TP63: variants seen among roughly 807,000 people sequenced by gnomAD.
TP63 encodes tumor protein p63.
In TP63, 17 loss-of-function variants were observed where a neutral mutation model predicts 82.8. The ratio of observed to expected loss-of-function variants is 0.21; its 90% CI spans 0.14 to 0.31. The LOEUF (loss-of-function observed/expected upper bound fraction) is 0.31. Among genes scored for constraint, TP63 ranks in the 10% least tolerant of loss-of-function variants. The pLI, the probability that TP63 is intolerant of heterozygous loss-of-function variation, is 1.00. For missense variants in TP63, 648 were observed against 895.3 expected, an observed-to-expected ratio of 0.72 and a Z score of 3.52; for synonymous variants, 330 against 321.7, an observed-to-expected ratio of 1.03 and a Z score of -0.28.
chr3:189,598,721 C>T, the TP63 span, among the ~76,000 whole-genome samples: 4 of 152,218 alleles, frequency 2.6e-5, no homozygotes, highest in Admixed American at 1.3e-4. Context: ...CCAGAGCCAG[C>T]AGAGTGTTGG....
Position 189,896,321 on chromosome 3 carries a change from A to C in TP63, c.*1819A>C. 4.7e-6 allele frequency: 1 copy of C among 213,590 alleles called. No individual in the cohort carries two copies. The allele number at this position is 213,590 out of a possible 1,614,324, so 13.2% of individuals were successfully genotyped here. On this transcript the variant is annotated 3_prime_UTR_variant, in exon 14 of 14. Transcript: ENST00000264731. ...TTCTTCTTGGGATAGTGGGATTTCC[A>C]GAACCACACTTGAAACCTTTTTTTA...
At chr3:189,808,220 A>G (rs1727130971) in intron 3 of TP63, 52 bp from the exon 4 acceptor site, 1 of 1,614,106 alleles carries the variant, frequency 6.2e-7, no homozygotes, top group Non-Finnish European at 8.5e-7. Flanking sequence ...TTTTTGGAGC[A>G]ATGATCCGTG....
intron 10 of TP63, among the ~76,000 whole-genome samples, chr3:189,884,418 G>T (rs1228876089): frequency 1.3e-5 from 2 of 152,162 alleles, no homozygotes; most frequent in Admixed American, 6.5e-5. Flanking sequence ...TAGGTGCCAG[G>T]AGACCTAGTT....
intron 3 of TP63, among the ~76,000 whole-genome samples, chr3:189,805,818 C>T (rs1726823325): frequency 6.6e-6 from 1 of 152,170 alleles, no homozygotes; most frequent in Non-Finnish European, 1.5e-5. Flanking sequence ...ACAGAGTCAC[C>T]GTATACTTTG....
At chr3:189,680,234 A>G (rs1376453704) in intron 1 of TP63, among the ~76,000 whole-genome samples, 3 of 152,226 alleles carry the variant, frequency 2.0e-5, no homozygotes, top group Admixed American at 6.5e-5. Context: ...AACATGGGAT[A>G]TATTTTCATT....
Position 189,894,598 on chromosome 3 carries a change from C to A in TP63, c.*96C>A. ...TCAAAGCCTTCTCCCTAGCTCCTCC[C>A]CTTCCTCTTGTCTGATTTCTTAGGG... is the stretch of plus-strand genomic sequence containing the variant. On this transcript the variant is annotated 3_prime_UTR_variant, in exon 14 of 14. Transcript: ENST00000264731. 1 of 1,438,656 alleles carries A rather than the reference C, an allele frequency of 7.0e-7. No homozygotes were observed. The highest frequency in any genetic ancestry group is 2.4e-5 in the East Asian group (1 of 41,326). 89.1% of individuals were successfully genotyped at this position (1,438,656 alleles called of 1,614,324 possible).
At chr3:189,766,716 A>G (rs990874456) in intron 3 of TP63, among the ~76,000 whole-genome samples, 1 of 152,256 alleles carries the variant, frequency 6.6e-6, no homozygotes, top group African/African-American at 2.4e-5. Flanking sequence ...TGTTTAAAAA[A>G]AATACAGTGG....
At chr3:189,851,289 T>G (rs1384651498) in intron 4 of TP63, among the ~76,000 whole-genome samples, 1 of 152,164 alleles carries the variant, frequency 6.6e-6, no homozygotes, top group African/African-American at 2.4e-5. Context: ...CCAGGCGCGG[T>G]GGCTCACACT....
chr3:189,658,146 C>T (rs1713554791), intron 1 of TP63, among the ~76,000 whole-genome samples: 1 of 151,944 alleles, frequency 6.6e-6, no homozygotes, highest in Admixed American at 6.6e-5. Flanking sequence ...GGTACAAAGG[C>T]ACCAACTGAA....
intron 1 of TP63, among the ~76,000 whole-genome samples, chr3:189,733,780 C>T (rs536845010): frequency 2.6e-5 from 4 of 152,300 alleles, no homozygotes; most frequent in Admixed American, 6.5e-5. Context: ...AATCTATCAA[C>T]TTTTACTTCT....
upstream of TP63, among the ~76,000 whole-genome samples, chr3:189,626,441 A>C (rs1729321897): frequency 6.6e-6 from 1 of 152,142 alleles, no homozygotes; most frequent in South Asian, 2.1e-4. Flanking sequence ...CTAGGACCTG[A>C]GGTTCAGTTA....
chr3:189,834,175 C>T (rs1404147579), intron 4 of TP63, among the ~76,000 whole-genome samples: 1 of 152,146 alleles, frequency 6.6e-6, no homozygotes, highest in Non-Finnish European at 1.5e-5. Context: ...CCATGGCCTG[C>T]AGCGCTTATG....
At chr3:189,642,169 G>A (rs1035553511) in intron 1 of TP63, among the ~76,000 whole-genome samples, 2 of 152,096 alleles carry the variant, frequency 1.3e-5, no homozygotes, top group African/African-American at 2.4e-5. Context: ...ATTTCATTAA[G>A]TTAATAGATG....
rs973094611 is a variant in TP63, at chr3:189,771,324, T to A, written c.324+32550T>A. ...TTTATATATATAATATATTATATAT[T>A]TATATATAATATATATTTATATAAT... is the stretch of plus-strand genomic sequence containing the variant. On this transcript the variant is annotated intron_variant, in intron 3 of 13. Transcript: ENST00000264731. Among the ~76,000 whole-genome samples, 212 of 134,144 alleles carry A rather than the reference T, an allele frequency of 1.6e-3. No individual in the cohort carries two copies. In the Middle Eastern group the frequency reaches 0.022, roughly 14 times the overall value. 88.0% of individuals were successfully genotyped at this position (134,144 alleles called of 152,430 possible).
At chr3:189,842,244 G>A (rs931318923) in intron 4 of TP63, among the ~76,000 whole-genome samples, 4 of 152,090 alleles carry the variant, frequency 2.6e-5, no homozygotes, top group African/African-American at 9.7e-5. Flanking sequence ...GAGAGAGCGC[G>A]TGTATGTCAC....
rs370272626 is a variant in TP63, at chr3:189,881,632, G to A, written c.1350-4762G>A. On this transcript the variant is annotated intron_variant, in intron 10 of 13. Coordinates refer to ENST00000264731, the MANE Select transcript of TP63 (RefSeq NM_003722.5). ...AATAGAATCATCACTTTGTTCCTAC[G>A]TACATTTCTTCTGTCAGTATTTGGT... is the stretch of plus-strand genomic sequence containing the variant. 2.3e-4 allele frequency: 153 copies of A among 673,440 alleles called. No homozygotes were observed. The African/African-American group carries it at 2.7e-3, about 12-fold the overall frequency. 41.7% of individuals were successfully genotyped at this position (673,440 alleles called of 1,614,324 possible).
At chr3:189,817,541 A>G (rs1577025431) in intron 4 of TP63, among the ~76,000 whole-genome samples, 1 of 152,150 alleles carries the variant, frequency 6.6e-6, no homozygotes, top group African/African-American at 2.4e-5. Flanking sequence ...CTGAGAGATG[A>G]AGCTCTAAAA....
rs761707773 is a variant in TP63 at position 189,631,575 on chromosome 3, G to A, written c.60G>A (p.Gln20=). ...TLQYCPDPYI[Q]RFVETPAHFS... ...AGTACTGCCCTGACCCTTACATCCAGCGGTGAGTTTGAATGTGACATAACT... is the reference window on the plus strand; with the variant it reads ...AGTACTGCCCTGACCCTTACATCCAACGGTGAGTTTGAATGTGACATAACT... The change falls in exon 1 of 14, where the codon CAG becomes CAA. Residue 20 remains glutamine (Q), a splice_region_variant and synonymous_variant. Coordinates refer to ENST00000264731, the MANE Select transcript of TP63 (RefSeq NM_003722.5). 3 of 1,612,812 alleles carry A rather than the reference G, an allele frequency of 1.9e-6. No homozygotes were observed. The highest frequency in any genetic ancestry group is 1.7e-4 in the Middle Eastern group (1 of 6,048).
At chr3:189,771,430 A>T (rs1427081303) in intron 3 of TP63, among the ~76,000 whole-genome samples, 1 of 140,948 alleles carries the variant, frequency 7.1e-6, no homozygotes, top group Non-Finnish European at 1.5e-5. Flanking sequence ...ATTATATATA[A>T]ATCTATAATA....
Sources: gnomAD v4.1 joint callset for allele counts (sites outside exome capture counted in the v4.1 genomes callset) on GRCh38, gnomAD v4.1.1 for gene constraint, MANE v1.5 for transcripts, NCBI Gene and HGNC (gene_info 2026-07-23, HGNC 2026-07-21) for gene names.